Variants in FAT4 observed in about 807,000 individuals in gnomAD.
FAT4 encodes the protein protocadherin Fat 4.
A neutral mutation model predicts 303.9 loss-of-function variants in FAT4; 84 were observed. That is an observed-to-expected ratio of 0.28 (90% CI 0.23 to 0.33). The LOEUF is 0.33. Ranked by LOEUF, FAT4 falls within the 10% of genes least tolerant of loss-of-function variation. The pLI is 1.00. For synonymous variants in FAT4, 2,307 were observed against 2,298.8 expected (o/e 1.00, Z -0.10); for missense variants, 6,005 against 6,146.8 (o/e 0.98, Z 0.77).
chr4:125,319,204 T>A lies in FAT4; in HGVS notation c.2793T>A (p.Ser931Arg). 1 of 1,614,114 alleles carries A rather than the reference T, an allele frequency of 6.2e-7. No individual in the cohort carries two copies. The highest frequency in any genetic ancestry group is 8.5e-7 in the Non-Finnish European group (1 of 1,180,018). The change falls in exon 2 of 18, where the codon AGT (serine) becomes AGA (arginine). Residue 931 changes from serine to arginine, a missense_variant. Ser to Arg is a moderately radical substitution (Grantham distance 110). Coordinates refer to ENST00000394329, the MANE Select transcript of FAT4 (RefSeq NM_001291303.3). ...GTGTCAATGGCATGGTACTCTATAG[T>A]CTGAAGCAAAACCCCAAGAACCTGT... ...DEGVNGMVLY[S>R]LKQNPKNLFA...
intron 12 of FAT4, among the ~76,000 whole-genome samples, chr4:125,471,986 T>G (rs1726879639): frequency 7.5e-6 from 1 of 133,166 alleles, no homozygotes; most frequent in Non-Finnish European, 1.5e-5. Context: ...GGCAGGAGAA[T>G]GGCGTGAACC....
intron 2 of FAT4, among the ~76,000 whole-genome samples, chr4:125,342,468 T>A (rs2663286): frequency 0.74 from 112,977 of 151,812 alleles, 42,948 homozygotes; most frequent in African/African-American, 0.89. Flanking sequence ...TTAACAGGAT[T>A]GTTTTATTTA....
chr4:125,368,499 A>G (rs1560782192), intron 2 of FAT4, among the ~76,000 whole-genome samples: 1 of 143,162 alleles, frequency 7.0e-6, no homozygotes, highest in East Asian at 2.0e-4. Flanking sequence ...ATATATATAT[A>G]TGTATGTATA....
chr4:125,346,483 G>A (rs976294394), intron 2 of FAT4, among the ~76,000 whole-genome samples: 14 of 151,812 alleles, frequency 9.2e-5, no homozygotes, highest in African/African-American at 3.4e-4. Context: ...TAAGGGTAAT[G>A]CAAACTATTG....
At position 125,468,771 on chromosome 4, in the gene FAT4, G is replaced by A; in HGVS notation, c.12165G>A (p.Lys4055=). The A allele has an allele frequency of 6.2e-7, 1 of 1,613,690 alleles. No individual in the cohort carries two copies. The change falls in exon 12 of 18, where the codon AAG becomes AAA. Residue 4055 remains lysine (K), a synonymous_variant. Transcript: ENST00000394329. ...SGTYKLTTMK[K]VSDGHFHTVI... is the part of the protein sequence containing the mutation. The stretch of plus-strand genomic sequence containing the variant: ...CATATAAGCTCACCACCATGAAGAA[G>A]GTGTCAGATGGACATTTTCACACTG...
intron 7 of FAT4, among the ~76,000 whole-genome samples, chr4:125,428,258 G>A (rs375191278): frequency 7.2e-5 from 11 of 151,976 alleles, no homozygotes; most frequent in African/African-American, 2.7e-4. Flanking sequence ...AGATCACACC[G>A]CTGCTCTTCA....
At chr4:125,453,165 G>A (rs964825423) in intron 10 of FAT4, among the ~76,000 whole-genome samples, 3 of 151,984 alleles carry the variant, frequency 2.0e-5, no homozygotes, top group Admixed American at 1.3e-4. Flanking sequence ...ATCTCGTAGC[G>A]TCTCTTACAA....
chr4:125,465,287 A>G (rs1186382702), intron 11 of FAT4, among the ~76,000 whole-genome samples: 2 of 152,178 alleles, frequency 1.3e-5, no homozygotes, highest in East Asian at 1.9e-4. Context: ...AATGAAAGGT[A>G]TATCAAGGTC....
Position 125,449,628 on chromosome 4 carries a change from G to C in FAT4, c.8618G>C (p.Arg2873Thr). 1 of 1,613,908 alleles carries C rather than the reference G, an allele frequency of 6.2e-7. No individual in the cohort carries two copies. Among genetic ancestry groups the C allele is most frequent in the Non-Finnish European group, 8.5e-7 (1 of 1,179,922 alleles). ...ACAGACATCAATGACAATGCTCCAAGATTTAGCAGAACTTCCTATTATTTA... is the reference window on the plus strand; with the variant it reads ...ACAGACATCAATGACAATGCTCCAACATTTAGCAGAACTTCCTATTATTTA... Reference protein sequence around the residue: ...FVTDINDNAPRFSRTSYYLDC... With the variant: ...FVTDINDNAPTFSRTSYYLDC... Residue 2873 changes from arginine (R) to threonine (T), a missense_variant, in exon 10 of 18, where the codon AGA becomes ACA. Coordinates refer to ENST00000394329, the MANE Select transcript of FAT4 (RefSeq NM_001291303.3).
At chr4:125,387,827 A>T (rs528719626) in intron 2 of FAT4, among the ~76,000 whole-genome samples, 1 of 152,350 alleles carries the variant, frequency 6.6e-6, no homozygotes, top group African/African-American at 2.4e-5. Context: ...ACATGGAAAC[A>T]AAGTAAAATA....
chr4:125,416,406 ATTGT>A, intron 6 of FAT4, 38 bp from the exon 7 acceptor site: 1 of 1,510,638 alleles, frequency 6.6e-7, no homozygotes, highest in Non-Finnish European at 8.9e-7. Context: ...CATGAGATGC[ATTGT>A]TTGTTTTACT....
chr4:125,318,507 A>G lies in FAT4; in HGVS notation c.2096A>G (p.Lys699Arg). Residue 699 changes from lysine (K) to arginine (R), a missense_variant, in exon 2 of 18, where the codon AAG (lysine) becomes AGG (arginine). Coordinates refer to ENST00000394329, the MANE Select transcript of FAT4 (RefSeq NM_001291303.3). The part of the protein sequence containing the change: ...FYPVQYFAHI[K>R]ENEPGGSYIT... Reference sequence around the variant, plus strand: ...CCGGTCCAATACTTTGCTCACATTAAGGAGAATGAGCCTGGAGGTAGCTAC... The same window carrying G: ...CCGGTCCAATACTTTGCTCACATTAGGGAGAATGAGCCTGGAGGTAGCTAC... 6.2e-7 allele frequency: 1 copy of G among 1,614,180 alleles called. No individual in the cohort carries two copies. Among genetic ancestry groups the G allele is most frequent in the Non-Finnish European group, 8.5e-7 (1 of 1,180,034 alleles).
Position 125,450,841 on chromosome 4 carries a change from T to A in FAT4, c.9831T>A (p.Asp3277Glu), listed in dbSNP as rs933769670. Residue 3277 changes from aspartate to glutamate, a missense_variant, in exon 10 of 18, where the codon GAT (aspartate) becomes GAA (glutamate). Asp to Glu is a conservative substitution (Grantham distance 45). Coordinates refer to ENST00000394329, the MANE Select transcript of FAT4 (RefSeq NM_001291303.3). ...CTGTGAAAGCCTTCAATGTCCCCGA[T>A]GAGGAAAGGTGTAGCTTTGCCACTG... ...HLTVKAFNVP[D>E]EERCSFATVN... 8 of 1,614,112 alleles carry A rather than the reference T, an allele frequency of 5.0e-6. No homozygotes were observed. The highest frequency in any genetic ancestry group is 6.8e-6 in the Non-Finnish European group (8 of 1,180,012).
At chr4:125,379,847 AT>A (rs1733473523) in intron 2 of FAT4, among the ~76,000 whole-genome samples, 1 of 151,676 alleles carries the variant, frequency 6.6e-6, no homozygotes, top group African/African-American at 2.4e-5. Flanking sequence ...ACACATATAT[AT>A]GTATACATAT....
chr4:125,318,517 G>T lies in FAT4; in HGVS notation c.2106G>T (p.Glu702Asp), dbSNP rs1456543999. Residue 702 changes from glutamate (E) to aspartate (D), a missense_variant, in exon 2 of 18, where the codon GAG becomes GAT. Transcript: ENST00000394329. ...VQYFAHIKEN[E>D]PGGSYITTVS... Reference sequence around the variant, plus strand: ...ACTTTGCTCACATTAAGGAGAATGAGCCTGGAGGTAGCTACATCACCACTG... The same window carrying T: ...ACTTTGCTCACATTAAGGAGAATGATCCTGGAGGTAGCTACATCACCACTG... 1.2e-6 allele frequency: 2 copies of T among 1,614,174 alleles called. No individual in the cohort carries two copies. Among genetic ancestry groups the T allele is most frequent in the Admixed American group, 1.7e-5 (1 of 60,022 alleles).
At chr4:125,354,919 A>G (rs1010930514) in intron 2 of FAT4, among the ~76,000 whole-genome samples, 1 of 151,860 alleles carries the variant, frequency 6.6e-6, no homozygotes, top group Non-Finnish European at 1.5e-5. Context: ...TTTAAGATTC[A>G]GAAACGTGGG....
chr4:125,367,111 A>G (rs1578564641), intron 2 of FAT4, among the ~76,000 whole-genome samples: 1 of 152,126 alleles, frequency 6.6e-6, no homozygotes, highest in East Asian at 1.9e-4. Context: ...GTTTAGTTAG[A>G]ATATAAATAA....
chr4:125,344,082 A>G (rs1283273393), intron 2 of FAT4, among the ~76,000 whole-genome samples: 1 of 152,116 alleles, frequency 6.6e-6, no homozygotes, highest in African/African-American at 2.4e-5. Flanking sequence ...ACATCTTATA[A>G]CTCAATTACT....
chr4:125,346,392 G>C (rs1666825160), intron 2 of FAT4, among the ~76,000 whole-genome samples: 1 of 151,882 alleles, frequency 6.6e-6, no homozygotes, highest in South Asian at 2.1e-4. Flanking sequence ...AAAACTTGCA[G>C]ATTAAAACTT....
Sources: gnomAD v4.1 joint callset for allele counts (sites outside exome capture counted in the v4.1 genomes callset) on GRCh38, gnomAD v4.1.1 for gene constraint, MANE v1.5 for transcripts, NCBI Gene and HGNC (gene_info 2026-07-23, HGNC 2026-07-21) for gene names.